Variants in TMEM132D observed in about 807,000 individuals in gnomAD.
TMEM132D encodes transmembrane protein 132D.
Under a neutral mutation model 62.3 loss-of-function variants are expected in TMEM132D, and 21 were observed. The observed-to-expected ratio is 0.34, with a 90% CI of 0.24 to 0.49. The LOEUF is 0.49. Among genes scored for constraint, TMEM132D ranks in the 20% least tolerant of loss-of-function variants. The pLI, the probability that TMEM132D is intolerant of heterozygous loss-of-function variation, is 0.99. For synonymous variants in TMEM132D, 621 were observed against 575.6 expected (o/e 1.08, Z -1.13); for missense variants, 1,346 against 1,402.8 (o/e 0.96, Z 0.65).
At chr12:129,861,028 A>T (rs1873881566) in intron 1 of TMEM132D, among the ~76,000 whole-genome samples, 1 of 152,238 alleles carries the variant, frequency 6.6e-6, no homozygotes, top group African/African-American at 2.4e-5. Context: ...TTGCTTATCA[A>T]CAAATGAAGC....
chr12:129,612,492 C>T (rs899655028), intron 2 of TMEM132D, among the ~76,000 whole-genome samples: 6 of 152,106 alleles, frequency 3.9e-5, no homozygotes, highest in African/African-American at 9.7e-5. Flanking sequence ...ATGATTTCTT[C>T]GACAGGGCAA....
intron 5 of TMEM132D, among the ~76,000 whole-genome samples, chr12:129,192,521 A>G (rs1878433047): frequency 6.6e-6 from 1 of 152,248 alleles, no homozygotes; most frequent in Admixed American, 6.5e-5. Flanking sequence ...AATTCTTATA[A>G]GAGAAACTTT....
chr12:129,578,491 ATATC>A (rs1176429923), intron 2 of TMEM132D, among the ~76,000 whole-genome samples: 3 of 151,208 alleles, frequency 2.0e-5, no homozygotes, highest in Non-Finnish European at 2.9e-5. Flanking sequence ...ATAAAATTAT[ATATC>A]TATTATACAA....
chr12:129,244,906 G>A (rs914148728), intron 4 of TMEM132D, among the ~76,000 whole-genome samples: 1 of 152,132 alleles, frequency 6.6e-6, no homozygotes, highest in Non-Finnish European at 1.5e-5. Context: ...CTCCCAAAGT[G>A]TTGGGATTAC....
chr12:129,249,823 G>T (rs985678848), intron 4 of TMEM132D, among the ~76,000 whole-genome samples: 3 of 152,134 alleles, frequency 2.0e-5, no homozygotes, highest in Admixed American at 6.6e-5. Context: ...GATCAGCCAG[G>T]GTCCCAGTGG....
intron 1 of TMEM132D, among the ~76,000 whole-genome samples, chr12:129,818,005 GTGTC>G (rs902536235): frequency 1.4e-5 from 2 of 146,912 alleles, no homozygotes; most frequent in African/African-American, 5.0e-5. Context: ...GTAAGTGTGT[GTGTC>G]TATGTGCATC....
chr12:129,104,105 C>T (rs890150619), intron 5 of TMEM132D, among the ~76,000 whole-genome samples: 8 of 149,572 alleles, frequency 5.3e-5, no homozygotes, highest in African/African-American at 7.4e-5. Context: ...GCCAAAAGAA[C>T]AAAGCTGGAG....
At chr12:129,480,480 TC>T (rs1390326194) in intron 3 of TMEM132D, among the ~76,000 whole-genome samples, 7 of 152,212 alleles carry the variant, frequency 4.6e-5, no homozygotes, top group Admixed American at 4.6e-4. Flanking sequence ...TCCTTGGTCA[TC>T]CGGGTGAGTG....
intron 1 of TMEM132D, among the ~76,000 whole-genome samples, chr12:129,806,645 T>A (rs1490254307): frequency 1.9e-4 from 28 of 148,944 alleles, no homozygotes; most frequent in South Asian, 4.3e-4. Flanking sequence ...TATACATATG[T>A]AACTAACCTG....
chr12:129,552,465 T>C (rs1334700939), intron 2 of TMEM132D, among the ~76,000 whole-genome samples: 7 of 152,128 alleles, frequency 4.6e-5, no homozygotes, highest in Non-Finnish European at 8.8e-5. Flanking sequence ...CATCTGTTTA[T>C]ATTCATTATC....
chr12:129,808,731 A>G (rs1032860121), intron 1 of TMEM132D, among the ~76,000 whole-genome samples: 36 of 152,346 alleles, frequency 2.4e-4, no homozygotes, highest in Non-Finnish European at 4.0e-4. Flanking sequence ...GATAGGTCAT[A>G]GGAAGGAAGA....
At position 129,778,594 on chromosome 12, in the gene TMEM132D, T is replaced by C. The variant is rs116236229; in HGVS notation, c.80-77896A>G. 7.3e-3 allele frequency among the ~76,000 whole-genome samples: 1,106 copies of C among 152,252 alleles called. 10 individuals carry two copies. Among genetic ancestry groups the C allele is most frequent in the African/African-American group, 0.026 (1,063 of 41,554 alleles). On this transcript the variant is annotated intron_variant, in intron 1 of 8. Transcript: ENST00000422113. ...GACACTTTAGAAAATGGTTGGCAAG[T>C]TGCTCTTGCACTGGGATAATTTTAG...
intron 5 of TMEM132D, among the ~76,000 whole-genome samples, chr12:129,137,623 G>A (rs1206783950): frequency 1.3e-5 from 2 of 152,188 alleles, no homozygotes; most frequent in Admixed American, 6.5e-5. Context: ...CTTCTAGACA[G>A]TAGGAAATGG....
At chr12:129,142,012 TA>T (rs1876756145) in intron 5 of TMEM132D, among the ~76,000 whole-genome samples, 1 of 147,776 alleles carries the variant, frequency 6.8e-6, no homozygotes, top group South Asian at 2.1e-4. Flanking sequence ...AATATATATA[TA>T]AATATATATA....
intron 2 of TMEM132D, among the ~76,000 whole-genome samples, chr12:129,612,816 G>A (rs548193834): frequency 2.6e-5 from 4 of 152,246 alleles, no homozygotes; most frequent in African/African-American, 4.8e-5. Flanking sequence ...GCAGTGAGCC[G>A]AGATCACGCC....
In TMEM132D at chr12:129,272,813, C is replaced by A. The variant is rs575931836; in HGVS notation, c.1300-63150G>T. 1.6e-4 allele frequency among the ~76,000 whole-genome samples: 24 copies of A among 151,862 alleles called. 1 individual carries two copies. The highest frequency in any genetic ancestry group is 3.3e-4 in the Admixed American group (5 of 15,284). On this transcript the variant is annotated intron_variant, in intron 4 of 8. Transcript: ENST00000422113. ...CGGCGGCTCACGCCTGTAATCCCAG[C>A]ACTTTGGGAGGCCAAGATGGGCAGG...
chr12:129,620,697 C>T (rs184758152), intron 2 of TMEM132D, among the ~76,000 whole-genome samples: 4 of 152,274 alleles, frequency 2.6e-5, no homozygotes, highest in African/African-American at 7.2e-5. Flanking sequence ...TGGAAGCCAC[C>T]GTCCTCAGCA....
chr12:129,203,252 A>G (rs569861209), intron 5 of TMEM132D, among the ~76,000 whole-genome samples: 2 of 152,234 alleles, frequency 1.3e-5, no homozygotes, highest in South Asian at 4.2e-4. Context: ...TCTGTCTATA[A>G]ATGTTATCTG....
chr12:129,261,734 CTGTG>C (rs1307795229), intron 4 of TMEM132D, among the ~76,000 whole-genome samples: 1 of 152,158 alleles, frequency 6.6e-6, no homozygotes, highest in Non-Finnish European at 1.5e-5. Context: ...GGCCTTCTCT[CTGTG>C]TGTGTCTGTG....
Sources: gnomAD v4.1 joint callset for allele counts (sites outside exome capture counted in the v4.1 genomes callset) on GRCh38, gnomAD v4.1.1 for gene constraint, MANE v1.5 for transcripts, NCBI Gene and HGNC (gene_info 2026-07-23, HGNC 2026-07-21) for gene names.